Variants in MAN2A1 observed in about 807,000 individuals in gnomAD.
MAN2A1 encodes the protein alpha-mannosidase 2.
A neutral mutation model predicts 142.6 loss-of-function variants in MAN2A1; 76 were observed. The observed-to-expected ratio is 0.53, with a 90% CI of 0.44 to 0.65. The LOEUF is 0.65. Ranked by LOEUF, MAN2A1 falls within the 30% of genes least tolerant of loss-of-function variation. MAN2A1 has a pLI of 0.00. For missense variants in MAN2A1, 1,311 were observed against 1,365.1 expected (o/e 0.96, Z 0.62); for synonymous variants, 559 against 473.2 (o/e 1.18, Z -2.35).
intron 2 of MAN2A1, 92 bp downstream of exon 2, chr5:109,713,866 G>A: frequency 8.2e-7 from 1 of 1,212,730 alleles, no homozygotes; most frequent in Non-Finnish European, 1.1e-6. Flanking sequence ...TTGGTAAGTT[G>A]CTTAAACTCT....
At chr5:109,848,171 A>T (rs1387625227) in intron 19 of MAN2A1, among the ~76,000 whole-genome samples, 1 of 152,184 alleles carries the variant, frequency 6.6e-6, no homozygotes, top group Non-Finnish European at 1.5e-5. Flanking sequence ...AATCTTAGTA[A>T]AATTTATTTG....
intron 1 of MAN2A1, among the ~76,000 whole-genome samples, chr5:109,710,634 A>G (rs973290994): frequency 6.6e-6 from 1 of 151,898 alleles, no homozygotes; most frequent in Non-Finnish European, 1.5e-5. Flanking sequence ...CCTTCCGAGT[A>G]TCTGGGACTA....
rs1229962700 is a variant in MAN2A1 at position 109,784,937 on chromosome 5, T to G, written c.1760+11T>G. On this transcript the variant is annotated intron_variant, in intron 10 of 21. Coordinates refer to ENST00000261483, the MANE Select transcript of MAN2A1 (RefSeq NM_002372.4). The stretch of plus-strand genomic sequence containing the variant: ...GGATTATGGTACCAGGTAATCTAAT[T>G]ATAGAAAAATCATCTTTAAAAAAAT... The G allele has an allele frequency of 6.4e-7, 1 of 1,551,560 alleles. No homozygotes were observed. The highest frequency in any genetic ancestry group is 8.7e-7 in the Non-Finnish European group (1 of 1,151,982).
intron 4 of MAN2A1, among the ~76,000 whole-genome samples, chr5:109,730,345 A>C (rs1296593314): frequency 1.3e-5 from 2 of 152,008 alleles, no homozygotes; most frequent in Non-Finnish European, 2.9e-5. Flanking sequence ...ATACTCCTTA[A>C]CTCATATTTT....
chr5:109,822,156 C>T (rs1225469539), intron 15 of MAN2A1, among the ~76,000 whole-genome samples: 1 of 144,760 alleles, frequency 6.9e-6, no homozygotes. Context: ...TTTTTTTTGG[C>T]TGTTTGGGGT....
intron 12 of MAN2A1, 122 bp downstream of exon 12, chr5:109,789,649 TA>T (rs1259209242): frequency 7.8e-6 from 5 of 641,502 alleles, no homozygotes; most frequent in African/African-American, 7.5e-5. Context: ...AAAAAACTCC[TA>T]AAAAATGGAT....
rs781111869 is a variant in MAN2A1 at position 109,845,909 on chromosome 5, T to C, written c.2745T>C (p.Asn915=). The C allele has an allele frequency of 1.9e-6, 3 of 1,613,600 alleles. No individual in the cohort carries two copies. In the African/African-American group the frequency reaches 4.0e-5, roughly 22 times the overall value. ...MTLSKLPLQA[N]VYPMTTMAYI... ...TGAGCAAATTGCCTCTTCAAGCAAA[T>C]GTCTATCCCATGACCACAATGGCCT... The change falls in exon 18 of 22, where the codon AAT becomes AAC. Residue 915 remains asparagine (N), a synonymous_variant. Coordinates refer to ENST00000261483, the MANE Select transcript of MAN2A1 (RefSeq NM_002372.4).
chr5:109,761,381 G>C (rs1197283473), intron 5 of MAN2A1, among the ~76,000 whole-genome samples: 1 of 151,692 alleles, frequency 6.6e-6, no homozygotes, highest in Non-Finnish European at 1.5e-5. Flanking sequence ...GCTATTTATA[G>C]TGTTTAGAAA....
chr5:109,823,910 CTTAAA>C (rs1447346291), intron 16 of MAN2A1, 73 bp downstream of exon 16: 3 of 671,108 alleles, frequency 4.5e-6, no homozygotes, highest in Non-Finnish European at 4.8e-6. Flanking sequence ...TTATGCCATT[CTTAAA>C]TTAACAGTTG....
At chr5:109,840,968 G>T (rs184604753) in intron 16 of MAN2A1, among the ~76,000 whole-genome samples, 5 of 152,222 alleles carry the variant, frequency 3.3e-5, no homozygotes, top group Admixed American at 3.3e-4. Flanking sequence ...GATTCTACTT[G>T]TGTCCTAGGA....
chr5:109,826,256 C>T (rs1754757399), intron 16 of MAN2A1, among the ~76,000 whole-genome samples: 1 of 151,722 alleles, frequency 6.6e-6, no homozygotes, highest in South Asian at 2.1e-4. Context: ...TCTTCTCTTC[C>T]TTGGTGTTCT....
At chr5:109,861,725 C>T (rs1462423909) in intron 20 of MAN2A1, among the ~76,000 whole-genome samples, 1 of 152,146 alleles carries the variant, frequency 6.6e-6, no homozygotes, top group Non-Finnish European at 1.5e-5. Context: ...TGTCTGAGTC[C>T]AGATGGCTTC....
chr5:109,835,896 C>G (rs1036116323), intron 16 of MAN2A1, among the ~76,000 whole-genome samples: 7 of 152,048 alleles, frequency 4.6e-5, no homozygotes, highest in Admixed American at 2.0e-4. Flanking sequence ...GTTGAAGGAT[C>G]TGAGAGAGTT....
chr5:109,749,842 A>G (rs1381199575), intron 4 of MAN2A1, among the ~76,000 whole-genome samples: 1 of 152,054 alleles, frequency 6.6e-6, no homozygotes, highest in Non-Finnish European at 1.5e-5. Context: ...TGTGAATGGA[A>G]AGACTTGGAA....
chr5:109,812,407 A>G (rs532932807), intron 12 of MAN2A1, among the ~76,000 whole-genome samples: 5 of 152,264 alleles, frequency 3.3e-5, no homozygotes, highest in Admixed American at 6.5e-5. Flanking sequence ...GGTAAGCATT[A>G]TATTTTAAAC....
chr5:109,838,748 G>C (rs1755121749), intron 16 of MAN2A1, among the ~76,000 whole-genome samples: 1 of 152,140 alleles, frequency 6.6e-6, no homozygotes, highest in African/African-American at 2.4e-5. Flanking sequence ...TTAAAAGTCT[G>C]TCCTGATACA....
intron 15 of MAN2A1, among the ~76,000 whole-genome samples, chr5:109,822,701 G>A (rs915699347): frequency 2.6e-5 from 4 of 151,458 alleles, no homozygotes; most frequent in African/African-American, 9.7e-5. Context: ...TTTTGGAGAC[G>A]GAGTCTTGCA....
intron 5 of MAN2A1, among the ~76,000 whole-genome samples, chr5:109,761,888 C>T (rs1752853536): frequency 6.6e-6 from 1 of 151,860 alleles, no homozygotes; most frequent in African/African-American, 2.4e-5. Context: ...AGAAACCCAG[C>T]CTTCTTATCA....
chr5:109,865,488 C>T, intron 21 of MAN2A1: 1 of 251,462 alleles, frequency 4.0e-6, no homozygotes, highest in Non-Finnish European at 7.9e-6. Context: ...TCATCTAGTT[C>T]AGCATTGGTA....
Sources: allele counts gnomAD v4.1 joint callset (sites outside exome capture counted in the v4.1 genomes callset), GRCh38; gene constraint gnomAD v4.1.1; transcripts MANE v1.5; gene names NCBI Gene and HGNC (gene_info 2026-07-23, HGNC 2026-07-21).